The following ACYP2 variants were observed in gnomAD, a reference collection of about 807,000 sequenced individuals.
ACYP2 encodes the protein acylphosphatase-2.
A neutral mutation model predicts 11.2 loss-of-function variants in ACYP2; 12 were observed. The observed-to-expected ratio is 1.08, with a 90% CI of 0.69 to 1.74. The LOEUF is 1.74. Among genes scored for constraint, ACYP2 ranks in the 40% most tolerant of loss-of-function variants. The pLI is 0.00. For missense variants in ACYP2, 134 were observed against 101.9 expected (o/e 1.31, Z -1.35); for synonymous variants, 43 against 32.2 (o/e 1.33, Z -1.13).
Position 54,044,792 on chromosome 2 carries a change from T to G in ACYP2, c.63-6166T>G, listed in dbSNP as rs538982380. 2.6e-5 allele frequency among the ~76,000 whole-genome samples: 4 copies of G among 152,326 alleles called. No homozygotes were observed. The South Asian group carries it at 8.3e-4, about 32-fold the overall frequency. On this transcript the variant is annotated intron_variant, in intron 2 of 6. Transcript: ENST00000607452. ...TCCTGTCACATCTGCTGCCATGTTT[T>G]ATGCTAGAAACTGCAGTGGAAAGTG...
At chr2:54,125,926 C>G (rs1486291418) in intron 4 of ACYP2, among the ~76,000 whole-genome samples, 1 of 151,706 alleles carries the variant, frequency 6.6e-6, no homozygotes, top group Non-Finnish European at 1.5e-5. Flanking sequence ...ACTAAAAATA[C>G]AAAAATTAGC....
intron 4 of ACYP2, among the ~76,000 whole-genome samples, chr2:54,104,662 G>C (rs914651384): frequency 6.6e-6 from 1 of 152,176 alleles, no homozygotes; most frequent in Non-Finnish European, 1.5e-5. Context: ...TTGACAATGA[G>C]AAAGTATTAC....
intron 4 of ACYP2, among the ~76,000 whole-genome samples, chr2:54,093,746 C>A (rs1479085074): frequency 2.6e-5 from 4 of 152,200 alleles, no homozygotes; most frequent in African/African-American, 9.7e-5. Context: ...CAAGACCATC[C>A]TGGCTAACAC....
At chr2:54,223,547 A>C (rs1685886024) in intron 6 of ACYP2, among the ~76,000 whole-genome samples, 1 of 152,242 alleles carries the variant, frequency 6.6e-6, no homozygotes, top group Non-Finnish European at 1.5e-5. Flanking sequence ...CTATAAATTT[A>C]AATTGTCTGA....
intron 6 of ACYP2, among the ~76,000 whole-genome samples, chr2:54,177,613 T>C (rs1418050679): frequency 6.6e-6 from 1 of 151,644 alleles, no homozygotes; most frequent in Non-Finnish European, 1.5e-5. Flanking sequence ...AGTCTCACTC[T>C]GTCACCCAGG....
At chr2:54,097,564 T>C (rs10865279) in intron 4 of ACYP2, among the ~76,000 whole-genome samples, 55,767 of 152,046 alleles carry the variant, frequency 0.37, 11,305 homozygotes, top group East Asian at 0.73. Flanking sequence ...ACTGTTATAA[T>C]ATTTTGGAAA....
chr2:54,105,119 C>T (rs1000494230), intron 4 of ACYP2, among the ~76,000 whole-genome samples: 4 of 152,196 alleles, frequency 2.6e-5, no homozygotes, highest in Admixed American at 2.6e-4. Context: ...TTCTGATTTG[C>T]AGCATGCAAC....
intron 4 of ACYP2, among the ~76,000 whole-genome samples, chr2:54,059,589 A>T (rs1251084161): frequency 1.3e-5 from 2 of 152,144 alleles, no homozygotes; most frequent in Admixed American, 6.5e-5. Flanking sequence ...TACATTCAAC[A>T]TTTCAGATAA....
At chr2:54,174,260 T>C (rs10181309) in intron 6 of ACYP2, among the ~76,000 whole-genome samples, 20,528 of 152,134 alleles carry the variant, frequency 0.13, 3,297 homozygotes, top group African/African-American at 0.39. Context: ...CCCTTGTAAG[T>C]TGGATTCCTA....
At chr2:54,042,789 A>G (rs1271591246) in intron 2 of ACYP2, among the ~76,000 whole-genome samples, 2 of 152,164 alleles carry the variant, frequency 1.3e-5, no homozygotes, top group Non-Finnish European at 2.9e-5. Context: ...TTGGCCAGGG[A>G]AAACATATTT....
At chr2:54,054,376 T>C (rs1367370520) in intron 3 of ACYP2, among the ~76,000 whole-genome samples, 2 of 152,226 alleles carry the variant, frequency 1.3e-5, no homozygotes, top group Non-Finnish European at 2.9e-5. Context: ...TTGCCAACGA[T>C]GCATTTCTAA....
At chr2:54,225,895 G>A (rs1685992391) in intron 6 of ACYP2, among the ~76,000 whole-genome samples, 1 of 152,150 alleles carries the variant, frequency 6.6e-6, no homozygotes, top group African/African-American at 2.4e-5. Flanking sequence ...GATGCCAATA[G>A]TATAAGTTGC....
intron 4 of ACYP2, chr2:54,082,534 C>G (rs1221562438): frequency 4.6e-5 from 7 of 152,194 alleles, no homozygotes; most frequent in Admixed American, 3.3e-4. Flanking sequence ...GTGTGAGCCA[C>G]CACACCCAAC....
chr2:54,244,533 T>C (rs1432425148), intron 6 of ACYP2, among the ~76,000 whole-genome samples: 2 of 152,214 alleles, frequency 1.3e-5, no homozygotes, highest in Non-Finnish European at 2.9e-5. Context: ...CTGGCTTAGA[T>C]ACCCTGTGTA....
intron 3 of ACYP2, among the ~76,000 whole-genome samples, chr2:54,054,384 T>G (rs1395626992): frequency 6.6e-6 from 1 of 152,258 alleles, no homozygotes; most frequent in African/African-American, 2.4e-5. Flanking sequence ...GATGCATTTC[T>G]AAGTTTCTCT....
At chr2:54,044,907 A>G (rs1675432258) in intron 2 of ACYP2, among the ~76,000 whole-genome samples, 2 of 152,334 alleles carry the variant, frequency 1.3e-5, no homozygotes, top group Middle Eastern at 3.4e-3. Context: ...AAATAAACCA[A>G]GTTTGCAGCA....
At chr2:54,217,166 C>G (rs1389196997) in intron 6 of ACYP2, among the ~76,000 whole-genome samples, 1 of 152,164 alleles carries the variant, frequency 6.6e-6, no homozygotes, top group Non-Finnish European at 1.5e-5. Context: ...GATATCAGGG[C>G]TTCCTTTCCT....
intron 6 of ACYP2, among the ~76,000 whole-genome samples, chr2:54,198,011 T>C (rs903700167): frequency 2.2e-5 from 3 of 134,406 alleles, no homozygotes; most frequent in Non-Finnish European, 4.7e-5. Context: ...TGTATTGTAT[T>C]GTATTGTATT....
At chr2:54,127,087 G>C (rs1261175463) in intron 4 of ACYP2, among the ~76,000 whole-genome samples, 1 of 147,044 alleles carries the variant, frequency 6.8e-6, no homozygotes, top group African/African-American at 2.5e-5. Context: ...CTTCCTTCAT[G>C]ATGAATAGCT....
Sources: gnomAD v4.1 joint callset for allele counts (sites outside exome capture counted in the v4.1 genomes callset) on GRCh38, gnomAD v4.1.1 for gene constraint, MANE v1.5 for transcripts, NCBI Gene and HGNC (gene_info 2026-07-23, HGNC 2026-07-21) for gene names.